The following FAM171B variants were observed in gnomAD, a reference collection of about 807,000 sequenced individuals.
FAM171B encodes protein FAM171B.
In FAM171B, 19 loss-of-function variants were observed where a neutral mutation model predicts 75.6. The observed-to-expected ratio is 0.25, with a 90% CI of 0.18 to 0.37. FAM171B has a LOEUF of 0.37. FAM171B is among the 10% of genes least tolerant of loss of function. The probability of loss-of-function intolerance (pLI) is 1.00; values close to 1 mark genes in which losing one functional copy is unlikely to be tolerated. For synonymous variants in FAM171B, 367 were observed against 361.7 expected (o/e 1.01, Z -0.17); for missense variants, 848 against 982.4 (o/e 0.86, Z 1.83).
intron 1 of FAM171B, among the ~76,000 whole-genome samples, chr2:186,726,545 A>G (rs1192614446): frequency 2.6e-5 from 4 of 152,186 alleles, no homozygotes; most frequent in Non-Finnish European, 4.4e-5. Context: ...TCTTTTCTGA[A>G]CTTTCAGCCC....
chr2:186,738,458 A>G (rs1309645492), intron 1 of FAM171B, among the ~76,000 whole-genome samples: 2 of 151,846 alleles, frequency 1.3e-5, no homozygotes, highest in African/African-American at 4.8e-5. Context: ...AGAATGGGGG[A>G]GTGCATGCAG....
In FAM171B at chr2:186,761,511, G is replaced by T; in HGVS notation, c.1169G>T (p.Arg390Ile). The T allele has an allele frequency of 6.3e-7, 1 of 1,585,270 alleles. No homozygotes were observed. The highest frequency in any genetic ancestry group is 1.4e-5 in the African/African-American group (1 of 73,278). Residue 390 changes from arginine (R) to isoleucine (I), a missense_variant, in exon 8 of 8, where the codon AGA becomes ATA. By Grantham distance (97) the Arg-to-Ile change is moderately conservative (BLOSUM62 -3). Transcript: ENST00000304698. ...DKCGTPQKRE[R>I]NITKLEVLKR... ...TGTGGTACTCCACAGAAAAGAGAAA[G>T]AAATATCACTAAACTTGAGGTCCTC...
intron 1 of FAM171B, among the ~76,000 whole-genome samples, chr2:186,727,629 A>G (rs1422548698): frequency 1.3e-5 from 2 of 152,178 alleles, no homozygotes; most frequent in Admixed American, 6.5e-5. Context: ...CAGGCAGACT[A>G]TAATTTGCCC....
intron 5 of FAM171B, among the ~76,000 whole-genome samples, chr2:186,752,905 A>G (rs1162018286): frequency 6.6e-6 from 1 of 152,186 alleles, no homozygotes; most frequent in Non-Finnish European, 1.5e-5. Flanking sequence ...GTTTTACTGA[A>G]TTCTTTTTTC....
chr2:186,694,208 T>C lies in FAM171B; in HGVS notation c.35T>C (p.Leu12Pro). ...ARLCRRVPCT[L>P]LLGLAVVLLK... Reference sequence around the variant, plus strand: ...CTCTGCCGGCGTGTCCCCTGCACCCTGCTTCTCGGCCTGGCCGTGGTGCTG... The same window carrying C: ...CTCTGCCGGCGTGTCCCCTGCACCCCGCTTCTCGGCCTGGCCGTGGTGCTG... Residue 12 changes from leucine (L) to proline (P), a missense_variant, in exon 1 of 8, where the codon CTG becomes CCG. Leu to Pro is a moderately conservative substitution (Grantham distance 98). Transcript: ENST00000304698. The C allele has an allele frequency of 6.2e-7, 1 of 1,607,824 alleles. No individual in the cohort carries two copies. The highest frequency in any genetic ancestry group is 8.5e-7 in the Non-Finnish European group (1 of 1,179,678).
At chr2:186,750,328 A>G (rs368536865) in intron 4 of FAM171B, among the ~76,000 whole-genome samples, 2 of 152,182 alleles carry the variant, frequency 1.3e-5, no homozygotes, top group East Asian at 3.8e-4. Flanking sequence ...ACATCTATAG[A>G]TAGTTCCTGA....
intron 2 of FAM171B, among the ~76,000 whole-genome samples, chr2:186,741,482 G>T (rs185411266): frequency 4.5e-4 from 69 of 152,096 alleles, no homozygotes; most frequent in Admixed American, 4.1e-3. Flanking sequence ...AAATCAATAA[G>T]AAAATGCCAA....
At position 186,753,927 on chromosome 2, in the gene FAM171B, T is replaced by C; in HGVS notation, c.896-6T>C. On this transcript the variant is annotated splice_region_variant and splice_polypyrimidine_tract_variant and intron_variant, in intron 5 of 7. Coordinates refer to ENST00000304698, the MANE Select transcript of FAM171B (RefSeq NM_177454.4). Reference sequence around the variant, plus strand: ...TGTAACAAGTATTTTTTACATACCTTTTTAGGTGCTTGGGTAAATCATGGT... The same window carrying C: ...TGTAACAAGTATTTTTTACATACCTCTTTAGGTGCTTGGGTAAATCATGGT... The C allele has an allele frequency of 6.2e-7, 1 of 1,611,426 alleles. No homozygotes were observed. The highest frequency in any genetic ancestry group is 8.5e-7 in the Non-Finnish European group (1 of 1,177,786).
intron 3 of FAM171B, among the ~76,000 whole-genome samples, chr2:186,743,827 G>A (rs74519381): frequency 0.028 from 4,226 of 152,214 alleles, 194 homozygotes; most frequent in African/African-American, 0.096. Context: ...GAGAACTTCT[G>A]TTCTTCTTTC....
intron 6 of FAM171B, among the ~76,000 whole-genome samples, chr2:186,758,321 T>A (rs1478027223): frequency 6.6e-6 from 1 of 152,210 alleles, no homozygotes; most frequent in Non-Finnish European, 1.5e-5. Flanking sequence ...TCAGGCACTT[T>A]GGCTGTAAAG....
At chr2:186,750,777 T>A in intron 4 of FAM171B, among the ~76,000 whole-genome samples, 1 of 152,176 alleles carries the variant, frequency 6.6e-6, no homozygotes, top group East Asian at 1.9e-4. Context: ...TACATCTGCA[T>A]TGATGGTGTA....
Position 186,761,752 on chromosome 2 carries a change from A to G in FAM171B, c.1410A>G (p.Leu470=), listed in dbSNP as rs1321342130. 3 of 1,613,458 alleles carry G rather than the reference A, an allele frequency of 1.9e-6. No individual in the cohort carries two copies. The highest frequency in any genetic ancestry group is 1.1e-5 in the South Asian group (1 of 91,068). Residue 470 remains leucine, a synonymous_variant, in exon 8 of 8, where the codon CTA becomes CTG. Coordinates refer to ENST00000304698, the MANE Select transcript of FAM171B (RefSeq NM_177454.4). ...TCTACAATGAAGATGTTTCATTTCT[A>G]TCAGTCAATCAAAATAATTACTCAA... is the stretch of plus-strand genomic sequence containing the variant. ...FKIYNEDVSF[L]SVNQNNYSRN... is the part of the protein sequence containing the mutation.
chr2:186,709,517 G>A (rs1014250902), intron 1 of FAM171B, among the ~76,000 whole-genome samples: 30 of 152,034 alleles, frequency 2.0e-4, no homozygotes, highest in African/African-American at 6.5e-4. Flanking sequence ...CTAGCAATTG[G>A]TACTTTTTGC....
rs368836247 is a variant in FAM171B, at chr2:186,727,078, C to T, written c.239-13150C>T. Among the ~76,000 whole-genome samples, 24 of 152,226 alleles carry T rather than the reference C, an allele frequency of 1.6e-4. 1 individual carries two copies. In the East Asian group the frequency reaches 2.9e-3, roughly 18 times the overall value. ...CTCCTCTTCCCTCTCTCCCCCCACC[C>T]CCTTCATTTAGTAAGTATCCACATG... On this transcript the variant is annotated intron_variant, in intron 1 of 7. Coordinates refer to ENST00000304698, the MANE Select transcript of FAM171B (RefSeq NM_177454.4).
intron 4 of FAM171B, among the ~76,000 whole-genome samples, chr2:186,750,205 G>C (rs992630057): frequency 6.6e-6 from 1 of 152,128 alleles, no homozygotes; most frequent in African/African-American, 2.4e-5. Context: ...ATCTGTAATA[G>C]TTTTATTCTT....
In FAM171B at chr2:186,747,253, A is replaced by G. The variant is rs772146729; in HGVS notation, c.724+3A>G. The G allele has an allele frequency of 6.4e-7, 1 of 1,566,110 alleles. No homozygotes were observed. On this transcript the variant is annotated splice_donor_region_variant and intron_variant, in intron 4 of 7. Coordinates refer to ENST00000304698, the MANE Select transcript of FAM171B (RefSeq NM_177454.4). The stretch of plus-strand genomic sequence containing the variant: ...TGGAATTACTCTCAATAAACCAGGT[A>G]TTATCTACTTTTTGTATAATATAGT...
At chr2:186,719,503 G>A (rs1014940193) in intron 1 of FAM171B, among the ~76,000 whole-genome samples, 4 of 152,124 alleles carry the variant, frequency 2.6e-5, no homozygotes, top group Non-Finnish European at 5.9e-5. Context: ...TGTGTGTTTA[G>A]TTTTCTTTAT....
At chr2:186,748,076 C>G (rs772004690) in intron 4 of FAM171B, among the ~76,000 whole-genome samples, 3 of 152,060 alleles carry the variant, frequency 2.0e-5, no homozygotes, top group Non-Finnish European at 4.4e-5. Flanking sequence ...GCATGCACCA[C>G]CACACCCAGC....
At chr2:186,724,316 C>T (rs1196721836) in intron 1 of FAM171B, among the ~76,000 whole-genome samples, 1 of 152,128 alleles carries the variant, frequency 6.6e-6, no homozygotes, top group Non-Finnish European at 1.5e-5. Flanking sequence ...TCATGATATA[C>T]ACACGATTTA....
Sources: allele counts gnomAD v4.1 joint callset (sites outside exome capture counted in the v4.1 genomes callset), GRCh38; gene constraint gnomAD v4.1.1; transcripts MANE v1.5; gene names NCBI Gene and HGNC (gene_info 2026-07-23, HGNC 2026-07-21).